DCUN1D5: variants seen among roughly 807,000 people sequenced by gnomAD.
The protein encoded by DCUN1D5 is defective in cullin neddylation 1 domain containing 5, also known as DCN1-like protein 5.
Under a neutral mutation model 38.3 loss-of-function variants are expected in DCUN1D5, and 10 were observed. The ratio of observed to expected loss-of-function variants is 0.26; its 90% CI spans 0.16 to 0.44. The LOEUF is 0.44. Ranked by LOEUF, DCUN1D5 falls within the 20% of genes least tolerant of loss-of-function variation. The pLI, the probability that DCUN1D5 is intolerant of heterozygous loss-of-function variation, is 1.00. For missense variants in DCUN1D5, 148 were observed against 275.3 expected, an observed-to-expected ratio of 0.54 and a Z score of 3.27; for synonymous variants, 93 against 90.9, an observed-to-expected ratio of 1.02 and a Z score of -0.13.
chr11:103,075,180 T>A (rs1176382408), intron 4 of DCUN1D5, among the ~76,000 whole-genome samples: 2 of 152,162 alleles, frequency 1.3e-5, no homozygotes, highest in African/African-American at 4.8e-5. Context: ...TTAATCTGAT[T>A]CCCATCCTAT....
rs375365095 is a variant in DCUN1D5 at position 103,084,991 on chromosome 11, A to G, written c.179-1665T>C. 2.0e-5 allele frequency among the ~76,000 whole-genome samples: 3 copies of G among 152,176 alleles called. No individual in the cohort carries two copies. In the East Asian group the frequency reaches 5.8e-4, roughly 29 times the overall value. On this transcript the variant is annotated intron_variant, in intron 2 of 7. Transcript: ENST00000260247. ...GAGAGCAAGGCCCTGTCTCAAAAAA[A>G]AATAAAAAATAAAAAATTAAGGGAA...
In DCUN1D5 at chr11:103,059,055, A is replaced by G. The variant is rs1306910309; in HGVS notation, c.*3304T>C. On this transcript the variant is annotated 3_prime_UTR_variant, in exon 8 of 8. Coordinates refer to ENST00000260247, the MANE Select transcript of DCUN1D5 (RefSeq NM_032299.4). ...GTAAGAGCCTTGAAGGCCAGAACAA[A>G]GTTTTATCAGAGATGAATTATCACA... Among the ~76,000 whole-genome samples the G allele has an allele frequency of 6.6e-6, 1 of 152,058 alleles. No homozygotes were observed. The highest frequency in any genetic ancestry group is 1.9e-4 in the East Asian group (1 of 5,198).
intron 4 of DCUN1D5, among the ~76,000 whole-genome samples, chr11:103,070,240 T>A (rs1398129910): frequency 6.6e-6 from 1 of 151,116 alleles, no homozygotes; most frequent in Non-Finnish European, 1.5e-5. Context: ...TGACAGTGAG[T>A]AGTCTAAATA....
rs944480504 is a variant in DCUN1D5, at chr11:103,073,795, T to C, written c.342-7228A>G. Among the ~76,000 whole-genome samples the C allele has an allele frequency of 4.6e-5, 7 of 152,110 alleles. No homozygotes were observed. The South Asian group carries it at 6.2e-4, about 13-fold the overall frequency. ...AGTACAATCAAAAGTACATCAAAAC[T>C]GAGGCGGGGGCTCATGTCTGTAATC... On this transcript the variant is annotated intron_variant, in intron 4 of 7. Coordinates refer to ENST00000260247, the MANE Select transcript of DCUN1D5 (RefSeq NM_032299.4). The surrounding 1 kb of genome is among the most constrained non-coding windows in gnomAD (Gnocchi z 4.2).
At chr11:103,075,145 T>C (rs1333319925) in intron 4 of DCUN1D5, among the ~76,000 whole-genome samples, 2 of 152,190 alleles carry the variant, frequency 1.3e-5, no homozygotes, top group Non-Finnish European at 2.9e-5. Context: ...TTTCCACTTA[T>C]TGCATAAGTT....
intron 4 of DCUN1D5, among the ~76,000 whole-genome samples, chr11:103,070,867 G>A (rs915207824): frequency 3.3e-5 from 5 of 152,058 alleles, no homozygotes; most frequent in Non-Finnish European, 5.9e-5. Context: ...AAAAAAGAAT[G>A]TGTTCTCTGA....
chr11:103,080,051 G>C (rs1275451696), intron 4 of DCUN1D5: 1 of 152,092 alleles, frequency 6.6e-6, no homozygotes, highest in Non-Finnish European at 1.5e-5. Context: ...AAACTATAAA[G>C]CATTACACAA....
In DCUN1D5 at chr11:103,083,685, A is replaced by G. The variant is rs1235181667; in HGVS notation, c.179-359T>C. ...TGACAATGCATGAATATGAAAAAAC[A>G]TAAGGCAGCTGGAGCTTCTTAATCT... On this transcript the variant is annotated intron_variant, in intron 2 of 7. Transcript: ENST00000260247. The surrounding 1 kb of genome is among the most constrained non-coding windows in gnomAD (Gnocchi z 4.4). Among the ~76,000 whole-genome samples, 1 of 152,084 alleles carries G rather than the reference A, an allele frequency of 6.6e-6. No homozygotes were observed. Among genetic ancestry groups the G allele is most frequent in the South Asian group, 2.1e-4 (1 of 4,832 alleles).
In DCUN1D5 at chr11:103,066,831, C is replaced by A. The variant is rs1198827947; in HGVS notation, c.342-264G>T. Among the ~76,000 whole-genome samples the A allele has an allele frequency of 6.6e-6, 1 of 152,082 alleles. No homozygotes were observed. Among genetic ancestry groups the A allele is most frequent in the East Asian group, 1.9e-4 (1 of 5,194 alleles). ...ATTACTTTGCTTAAAAACAAACAAA[C>A]AGCTCATTCAAAAATTCCAAATAAA... is the stretch of plus-strand genomic sequence containing the variant. On this transcript the variant is annotated intron_variant, in intron 4 of 7. Transcript: ENST00000260247. This position sits in a 1 kb window ranked among gnomAD's most constrained non-coding sequence, Gnocchi z 4.7.
chr11:103,088,716 G>A (rs1479534494), intron 2 of DCUN1D5, among the ~76,000 whole-genome samples: 1 of 152,152 alleles, frequency 6.6e-6, no homozygotes, highest in East Asian at 1.9e-4. Flanking sequence ...ATCTCTAGTA[G>A]AAGTGGATGG....
chr11:103,051,501 T>TTCCC lies in DCUN1D5; in HGVS notation c.*10857_*10858insGGGA, dbSNP rs1861730091. 2 of 111,420 alleles carry TTCCC rather than the reference T, an allele frequency of 1.8e-5. No individual in the cohort carries two copies. The highest frequency in any genetic ancestry group is 3.5e-5 in the Non-Finnish European group (2 of 56,744). The allele number at this position is 111,420 out of a possible 1,614,324, so 6.9% of individuals were successfully genotyped here. ...GATTTGGTGGCTTCACATATTTACT[T>TTCCC]CCCCCCCCCCCCCGCCACCCCTGTG... On this transcript the variant is annotated 3_prime_UTR_variant, in exon 8 of 8. Transcript: ENST00000260247.
At chr11:103,085,116 T>C (rs552831808) in intron 2 of DCUN1D5, among the ~76,000 whole-genome samples, 2 of 152,286 alleles carry the variant, frequency 1.3e-5, no homozygotes, top group East Asian at 3.9e-4. Context: ...CATTAGTGAT[T>C]CAAAGAGAAA....
In DCUN1D5 at chr11:103,051,415, T is replaced by C. The variant is rs1861727226; in HGVS notation, c.*10944A>G. On this transcript the variant is annotated 3_prime_UTR_variant, in exon 8 of 8. Transcript: ENST00000260247. The stretch of plus-strand genomic sequence containing the variant: ...ATCAGCATGAAAAGTTCATGACTTA[T>C]TCACCTGTGACATAACTTTGGAGTC... The C allele has an allele frequency of 6.6e-6, 1 of 151,792 alleles. No homozygotes were observed. Among genetic ancestry groups the C allele is most frequent in the South Asian group, 2.1e-4 (1 of 4,814 alleles). 9.4% of individuals were successfully genotyped at this position (151,792 alleles called of 1,614,324 possible).
Position 103,091,491 on chromosome 11 carries a change from G to A in DCUN1D5, c.86+296C>T. On this transcript the variant is annotated intron_variant, in intron 1 of 7. Coordinates refer to ENST00000260247, the MANE Select transcript of DCUN1D5 (RefSeq NM_032299.4). This position sits in a 1 kb window ranked among gnomAD's most constrained non-coding sequence, Gnocchi z 4.3. ...CGAGGGTCGGTTGTGGGGTGGGGGT[G>A]GGGGTGGGGGGAAGCGCAATTTACA... 1 of 372,944 alleles carries A rather than the reference G, an allele frequency of 2.7e-6. No individual in the cohort carries two copies. The highest frequency in any genetic ancestry group is 5.0e-6 in the Non-Finnish European group (1 of 200,580). The allele number at this position is 372,944 out of a possible 1,614,324, so 23.1% of individuals were successfully genotyped here.
chr11:103,069,589 G>C (rs777674501), intron 4 of DCUN1D5, among the ~76,000 whole-genome samples: 3 of 152,144 alleles, frequency 2.0e-5, no homozygotes, highest in Non-Finnish European at 2.9e-5. Flanking sequence ...TTCTGCCCTA[G>C]GTTGATATAG....
intron 2 of DCUN1D5, among the ~76,000 whole-genome samples, chr11:103,085,391 T>G (rs1862677316): frequency 6.6e-6 from 1 of 152,142 alleles, no homozygotes; most frequent in Non-Finnish European, 1.5e-5. Flanking sequence ...GAGCCGAGAT[T>G]GCGCCACTGC....
At chr11:103,072,815 C>A (rs956120942) in intron 4 of DCUN1D5, among the ~76,000 whole-genome samples, 1 of 151,892 alleles carries the variant, frequency 6.6e-6, no homozygotes, top group Non-Finnish European at 1.5e-5. Flanking sequence ...ACATAAACGA[C>A]GAGCTAACGG....
intron 4 of DCUN1D5, among the ~76,000 whole-genome samples, chr11:103,075,463 C>A (rs1862384885): frequency 6.6e-6 from 1 of 152,004 alleles, no homozygotes; most frequent in Non-Finnish European, 1.5e-5. Context: ...CTCACTGCAA[C>A]CTACGCCTCC....
Position 103,062,410 on chromosome 11 carries a change from A to G in DCUN1D5, c.663T>C (p.Pro221=). 1.2e-6 allele frequency: 2 copies of G among 1,611,468 alleles called. No individual in the cohort carries two copies. Among genetic ancestry groups the G allele is most frequent in the Non-Finnish European group, 1.7e-6 (2 of 1,179,094 alleles). Residue 221 remains proline, a synonymous_variant, in exon 8 of 8, where the codon CCT becomes CCC. Coordinates refer to ENST00000260247, the MANE Select transcript of DCUN1D5 (RefSeq NM_032299.4). This position sits in a 1 kb window ranked among gnomAD's most constrained non-coding sequence, Gnocchi z 4.6. ...LSNYDEDGAW[P]VLLDEFVEWQ... Reference sequence around the variant, plus strand: ...ACTCAACAAATTCATCAAGAAGAACAGGCCCTAGAAAAAAAGAAACCATTT... The same window carrying G: ...ACTCAACAAATTCATCAAGAAGAACGGGCCCTAGAAAAAAAGAAACCATTT...
Sources: allele counts gnomAD v4.1 joint callset (sites outside exome capture counted in the v4.1 genomes callset), GRCh38; gene constraint gnomAD v4.1.1; non-coding constraint Gnocchi (gnomAD v3.1); transcripts MANE v1.5; gene names NCBI Gene and HGNC (gene_info 2026-07-23, HGNC 2026-07-21).